TTC29: variants seen among roughly 807,000 people sequenced by gnomAD.
TTC29 encodes the protein tetratricopeptide repeat protein 29.
In TTC29, 49 loss-of-function variants were observed where a neutral mutation model predicts 58.1. The ratio of observed to expected loss-of-function variants is 0.84; its 90% CI spans 0.67 to 1.07. The LOEUF is 1.07. Ranked by LOEUF, TTC29 falls within the 50% of genes least tolerant of loss-of-function variation. The pLI is 0.00. For synonymous variants in TTC29, 209 were observed against 196.8 expected (o/e 1.06, Z -0.52); for missense variants, 582 against 555.6 (o/e 1.05, Z -0.48).
At chr4:146,796,333 A>C (rs1749832347) in intron 11 of TTC29, among the ~76,000 whole-genome samples, 3 of 152,208 alleles carry the variant, frequency 2.0e-5, no homozygotes, top group Admixed American at 2.0e-4. Flanking sequence ...TCAGAAAGCT[A>C]GGAATCATAG....
Position 146,937,638 on chromosome 4 carries a change from A to T in TTC29, c.132T>A (p.Tyr44Ter). The T allele has an allele frequency of 6.5e-7, 1 of 1,542,266 alleles. No homozygotes were observed. Among genetic ancestry groups the T allele is most frequent in the Non-Finnish European group, 8.8e-7 (1 of 1,139,934 alleles). The change falls in exon 4 of 13, where the codon TAT (tyrosine) becomes TAA (stop). Residue 44 changes from tyrosine (Y) to a stop codon, truncating the protein, a stop_gained. Coordinates refer to ENST00000325106, the MANE Select transcript of TTC29 (RefSeq NM_031956.4). LOFTEE classifies it high-confidence loss of function. ...ATAATCCTTTGAAATTTACCTCTAGATAATGATCTATGTCATCTTTTTCTT... is the reference window on the plus strand; with the variant it reads ...ATAATCCTTTGAAATTTACCTCTAGTTAATGATCTATGTCATCTTTTTCTT... ...LIKEKDDIDH[Y>*]LEVNFKGLSK...
rs146431422 is a variant in TTC29 at position 146,937,014 on chromosome 4, C to A, written c.176+580G>T. On this transcript the variant is annotated intron_variant, in intron 4 of 12. Transcript: ENST00000325106. Reference sequence around the variant, plus strand: ...ATTCTAAGTTTCTATTCATTTCTCACTAACCTACATTGATTTTTGTACTGC... The same window carrying A: ...ATTCTAAGTTTCTATTCATTTCTCAATAACCTACATTGATTTTTGTACTGC... 3.2e-3 allele frequency among the ~76,000 whole-genome samples: 484 copies of A among 152,108 alleles called. 3 individuals carry two copies. Among genetic ancestry groups the A allele is most frequent in the African/African-American group, 0.011 (467 of 41,556 alleles).
chr4:146,744,057 G>C (rs1745357232), intron 11 of TTC29, among the ~76,000 whole-genome samples: 1 of 152,230 alleles, frequency 6.6e-6, no homozygotes, highest in African/African-American at 2.4e-5. Context: ...GAATGATGTG[G>C]AGATGGGAAG....
intron 4 of TTC29, among the ~76,000 whole-genome samples, chr4:146,936,595 T>G (rs1017887173): frequency 6.6e-6 from 1 of 152,074 alleles, no homozygotes; most frequent in African/African-American, 2.4e-5. Flanking sequence ...TCTGCAGAAG[T>G]GAGTGATTAC....
intron 11 of TTC29, among the ~76,000 whole-genome samples, chr4:146,743,287 C>A (rs1414318973): frequency 2.0e-5 from 3 of 152,096 alleles, no homozygotes; most frequent in Admixed American, 2.0e-4. Flanking sequence ...AGTGTTCTAA[C>A]TTGGGAAATT....
intron 11 of TTC29, among the ~76,000 whole-genome samples, chr4:146,720,286 G>A (rs932326104): frequency 2.0e-5 from 3 of 151,992 alleles, no homozygotes; most frequent in Admixed American, 6.6e-5. Flanking sequence ...GACTTTAGAC[G>A]AGCTCAGTAT....
At chr4:146,826,581 T>C (rs956050972) in intron 9 of TTC29, among the ~76,000 whole-genome samples, 4 of 152,126 alleles carry the variant, frequency 2.6e-5, no homozygotes, top group Admixed American at 6.5e-5. Flanking sequence ...CTGATGATCA[T>C]GTTTCTTGGG....
At chr4:146,855,670 T>C (rs1471770931) in intron 8 of TTC29, among the ~76,000 whole-genome samples, 1 of 152,224 alleles carries the variant, frequency 6.6e-6, no homozygotes, top group Non-Finnish European at 1.5e-5. Context: ...AATTATACTG[T>C]ATAATTTCTA....
intron 4 of TTC29, among the ~76,000 whole-genome samples, chr4:146,926,091 C>T (rs1038432451): frequency 6.6e-6 from 1 of 152,098 alleles, no homozygotes; most frequent in Admixed American, 6.5e-5. Context: ...TTTATTTTAC[C>T]TGTTACTATC....
At chr4:146,878,028 G>A (rs988969891) in intron 6 of TTC29, among the ~76,000 whole-genome samples, 9 of 152,024 alleles carry the variant, frequency 5.9e-5, no homozygotes, top group African/African-American at 1.9e-4. Context: ...CTGTGTCTTC[G>A]TATTCCTTAT....
intron 11 of TTC29, among the ~76,000 whole-genome samples, chr4:146,737,034 C>G (rs1409053271): frequency 1.3e-5 from 2 of 152,158 alleles, no homozygotes; most frequent in Admixed American, 1.3e-4. Flanking sequence ...GTTTGAAAAG[C>G]TGCCACTTTG....
intron 11 of TTC29, among the ~76,000 whole-genome samples, chr4:146,707,949 G>A (rs1412911503): frequency 6.6e-6 from 1 of 151,984 alleles, no homozygotes; most frequent in East Asian, 1.9e-4. Context: ...CACCATATAA[G>A]TCCTCATACC....
chr4:146,890,466 A>T (rs1415334321), intron 6 of TTC29, among the ~76,000 whole-genome samples: 1 of 152,084 alleles, frequency 6.6e-6, no homozygotes, highest in Non-Finnish European at 1.5e-5. Context: ...GGAGGTAGAA[A>T]GGCCCACCCC....
intron 4 of TTC29, among the ~76,000 whole-genome samples, chr4:146,919,724 T>C (rs1734460213): frequency 6.6e-6 from 1 of 151,176 alleles, no homozygotes; most frequent in South Asian, 2.1e-4. Context: ...AAACTTTTTC[T>C]CAAATAACAT....
intron 6 of TTC29, among the ~76,000 whole-genome samples, chr4:146,877,695 G>A (rs192455183): frequency 3.9e-5 from 6 of 152,094 alleles, no homozygotes; most frequent in East Asian, 3.9e-4. Context: ...TTCATCTAGC[G>A]TCCATCTATT....
chr4:146,833,957 T>C, intron 8 of TTC29, 60 bp from the exon 9 acceptor site: 1 of 1,169,880 alleles, frequency 8.5e-7, no homozygotes, highest in Non-Finnish European at 1.2e-6. Context: ...TGATGTTTCA[T>C]TTCATAACAG....
chr4:146,783,405 A>G (rs1348011567), intron 11 of TTC29, among the ~76,000 whole-genome samples: 1 of 151,952 alleles, frequency 6.6e-6, no homozygotes, highest in East Asian at 1.9e-4. Flanking sequence ...CTCTCAGCCA[A>G]TGAAAATACT....
intron 6 of TTC29, among the ~76,000 whole-genome samples, chr4:146,877,090 T>C (rs1479177682): frequency 6.6e-6 from 1 of 152,078 alleles, no homozygotes; most frequent in East Asian, 1.9e-4. Flanking sequence ...CTTCACATGA[T>C]AGGAGACTGC....
intron 11 of TTC29, among the ~76,000 whole-genome samples, chr4:146,725,162 T>C (rs927120391): frequency 1.3e-5 from 2 of 152,186 alleles, no homozygotes; most frequent in Non-Finnish European, 2.9e-5. Flanking sequence ...ATATTTTTCC[T>C]GGAAAGGCAT....
Sources: allele counts gnomAD v4.1 joint callset (sites outside exome capture counted in the v4.1 genomes callset), GRCh38; gene constraint gnomAD v4.1.1; transcripts MANE v1.5; gene names NCBI Gene and HGNC (gene_info 2026-07-23, HGNC 2026-07-21).